PRPF6: variants seen among roughly 807,000 people sequenced by gnomAD.
PRPF6 encodes the protein pre-mRNA processing factor 6, also known as pre-mRNA-processing factor 6.
PRPF6 carries 42 observed loss-of-function variants against 118.3 expected under a neutral mutation model. The ratio of observed to expected loss-of-function variants is 0.35; its 90% CI spans 0.28 to 0.46. PRPF6 has a LOEUF of 0.46. Ranked by LOEUF, PRPF6 falls within the 20% of genes least tolerant of loss-of-function variation. The pLI, the probability that PRPF6 is intolerant of heterozygous loss-of-function variation, is 1.00. For missense variants in PRPF6, 662 were observed against 1,255.7 expected (o/e 0.53, Z 7.15); for synonymous variants, 481 against 485.1 (o/e 0.99, Z 0.11).
intron 12 of PRPF6, among the ~76,000 whole-genome samples, chr20:64,017,963 GA>G: frequency 6.6e-6 from 1 of 152,326 alleles, no homozygotes; most frequent in Middle Eastern, 3.4e-3. Context: ...AGCACTTTGG[GA>G]GGCCGAGATG....
At chr20:63,981,990 G>A (rs1193198995) in intron 1 of PRPF6, among the ~76,000 whole-genome samples, 1 of 151,982 alleles carries the variant, frequency 6.6e-6, no homozygotes, top group Non-Finnish European at 1.5e-5. Context: ...AAGAGAAACT[G>A]ACATTCTGCG....
At chr20:63,985,754 G>T (rs775365408) in intron 3 of PRPF6, among the ~76,000 whole-genome samples, 10 of 152,204 alleles carry the variant, frequency 6.6e-5, no homozygotes, top group Middle Eastern at 3.2e-3. Flanking sequence ...TGAGATCAAA[G>T]CTGTAACAGA....
chr20:64,013,566 C>T (rs905107537), intron 11 of PRPF6, among the ~76,000 whole-genome samples: 2 of 152,160 alleles, frequency 1.3e-5, no homozygotes, highest in African/African-American at 4.8e-5. Context: ...GCCTTAACCT[C>T]CCAAGTGGCT....
intron 8 of PRPF6, 59 bp downstream of exon 8, chr20:63,999,818 A>G: frequency 4.4e-6 from 7 of 1,589,858 alleles, no homozygotes; most frequent in Non-Finnish European, 5.2e-6. Flanking sequence ...CCCCTACGGG[A>G]GTAAACTTGT....
chr20:64,000,480 A>C (rs1003427653), intron 8 of PRPF6, among the ~76,000 whole-genome samples: 1 of 151,628 alleles, frequency 6.6e-6, no homozygotes, highest in South Asian at 2.1e-4. Flanking sequence ...AAAACAACAA[A>C]AAAGAACGAC....
chr20:64,023,818 G>C (rs913926197), intron 13 of PRPF6, among the ~76,000 whole-genome samples: 137 of 152,344 alleles, frequency 9.0e-4, no homozygotes, highest in African/African-American at 3.2e-3. Flanking sequence ...ATGAACTGCT[G>C]CCCTTGACCC....
At chr20:64,025,259 C>T (rs2059283818) in intron 14 of PRPF6, among the ~76,000 whole-genome samples, 1 of 152,190 alleles carries the variant, frequency 6.6e-6, no homozygotes, top group Admixed American at 6.5e-5. Context: ...TTTGAGATGG[C>T]ATCACTCCTG....
At chr20:64,030,241 G>C (rs1045384147) in intron 19 of PRPF6, among the ~76,000 whole-genome samples, 1 of 152,172 alleles carries the variant, frequency 6.6e-6, no homozygotes. Context: ...GTGACCATGT[G>C]GGGTGAAGGG....
chr20:63,999,479 G>C, intron 7 of PRPF6, 124 bp from the exon 8 acceptor site: 1 of 1,344,302 alleles, frequency 7.4e-7, no homozygotes, highest in South Asian at 1.2e-5. Context: ...GTTGGTTTTT[G>C]TAACTCAGGA....
chr20:63,981,564 A>G (rs1292982994), intron 1 of PRPF6, among the ~76,000 whole-genome samples: 1 of 152,106 alleles, frequency 6.6e-6, no homozygotes, highest in Non-Finnish European at 1.5e-5. Flanking sequence ...GTAATGCTGT[A>G]TACGGTCTGC....
intron 11 of PRPF6, among the ~76,000 whole-genome samples, chr20:64,014,057 C>G (rs1276600140): frequency 1.3e-5 from 2 of 152,034 alleles, no homozygotes; most frequent in Admixed American, 6.5e-5. Flanking sequence ...CCTGCCTCAG[C>G]CTCCTGAGTA....
intron 9 of PRPF6, among the ~76,000 whole-genome samples, chr20:64,003,666 G>C (rs865789394): frequency 2.6e-5 from 4 of 152,274 alleles, no homozygotes; most frequent in Non-Finnish European, 5.9e-5. Flanking sequence ...CACGACCTCG[G>C]CTCTCTGCAA....
Position 64,025,471 on chromosome 20 carries a change from C to T in PRPF6, c.1909-468C>T, listed in dbSNP as rs555010245. 3.0e-4 allele frequency among the ~76,000 whole-genome samples: 45 copies of T among 151,000 alleles called. No homozygotes were observed. The South Asian group carries it at 8.3e-3, about 28-fold the overall frequency. On this transcript the variant is annotated intron_variant, in intron 14 of 20. Transcript: ENST00000266079. Reference sequence around the variant, plus strand: ...CTTCCGTGGCTTGTGGACGCCTTCTCCACATGTCAGTGGCACCCTGGGAGT... The same window carrying T: ...CTTCCGTGGCTTGTGGACGCCTTCTTCACATGTCAGTGGCACCCTGGGAGT...
intron 6 of PRPF6, among the ~76,000 whole-genome samples, chr20:63,997,135 C>T (rs924528280): frequency 6.6e-6 from 1 of 152,076 alleles, no homozygotes; most frequent in Non-Finnish European, 1.5e-5. Flanking sequence ...AGTCCCCGTG[C>T]GCTTTCTCCC....
chr20:63,999,164 G>A (rs1601516521), intron 7 of PRPF6, 25 bp downstream of exon 7: 1 of 1,599,632 alleles, frequency 6.3e-7, no homozygotes, highest in Non-Finnish European at 8.6e-7. Flanking sequence ...GAATCGCTGG[G>A]CTGGGATGGA....
rs1192867010 is a variant in PRPF6, at chr20:64,029,581, A to G, written c.2546+90A>G. Reference sequence around the variant, plus strand: ...GTCTGCCTCTTCCTGGTCATTGTAAAGATGCCCGGCAGCAGGGTGGGCTTC... The same window carrying G: ...GTCTGCCTCTTCCTGGTCATTGTAAGGATGCCCGGCAGCAGGGTGGGCTTC... On this transcript the variant is annotated intron_variant, in intron 19 of 20. Transcript: ENST00000266079. The surrounding 1 kb of genome is among the most constrained non-coding windows in gnomAD (Gnocchi z 4.8). 2 of 1,182,714 alleles carry G rather than the reference A, an allele frequency of 1.7e-6. No individual in the cohort carries two copies. Among genetic ancestry groups the G allele is most frequent in the African/African-American group, 1.5e-5 (1 of 66,460 alleles). 73.3% of individuals were successfully genotyped at this position (1,182,714 alleles called of 1,614,324 possible).
intron 4 of PRPF6, among the ~76,000 whole-genome samples, chr20:63,994,403 C>T (rs1039642016): frequency 2.0e-5 from 3 of 152,104 alleles, no homozygotes; most frequent in Admixed American, 1.3e-4. Flanking sequence ...GTGATCTGCC[C>T]GCTTTGGCCT....
In PRPF6 at chr20:64,026,776, G is replaced by T. The variant is rs1049171955; in HGVS notation, c.2029-206G>T. Among the ~76,000 whole-genome samples the T allele has an allele frequency of 6.6e-6, 1 of 152,054 alleles. No homozygotes were observed. The highest frequency in any genetic ancestry group is 2.4e-5 in the African/African-American group (1 of 41,376). Reference sequence around the variant, plus strand: ...GATCGTGCCACTGCACTCCAGCCTGGGTGACAGAGCGAGACTCTATCTCAA... The same window carrying T: ...GATCGTGCCACTGCACTCCAGCCTGTGTGACAGAGCGAGACTCTATCTCAA... On this transcript the variant is annotated intron_variant, in intron 15 of 20. Transcript: ENST00000266079. The surrounding 1 kb of genome is among the most constrained non-coding windows in gnomAD (Gnocchi z 4.4).
At chr20:64,002,398 C>T (rs546914318) in intron 9 of PRPF6, among the ~76,000 whole-genome samples, 6 of 145,986 alleles carry the variant, frequency 4.1e-5, no homozygotes, top group Admixed American at 6.9e-5. Flanking sequence ...TACAGGGGCA[C>T]GATCTTGGCT....
Sources: gnomAD v4.1 joint callset for allele counts (sites outside exome capture counted in the v4.1 genomes callset) on GRCh38, gnomAD v4.1.1 for gene constraint, Gnocchi (gnomAD v3.1) non-coding constraint, MANE v1.5 for transcripts, NCBI Gene and HGNC (gene_info 2026-07-23, HGNC 2026-07-21) for gene names.